Variants in ELMOD3 observed in about 807,000 individuals in gnomAD.
The protein encoded by ELMOD3 is ELMO domain-containing protein 3.
In ELMOD3, 36 loss-of-function variants were observed where a neutral mutation model predicts 47.4. The observed-to-expected ratio is 0.76, with a 90% CI of 0.58 to 1.00. ELMOD3 has a LOEUF of 1.00. Ranked by LOEUF, ELMOD3 falls within the 50% of genes least tolerant of loss-of-function variation. The probability of loss-of-function intolerance (pLI) is 0.00; values close to 1 mark genes in which losing one functional copy is unlikely to be tolerated. For synonymous variants in ELMOD3, 149 were observed against 183.5 expected, an observed-to-expected ratio of 0.81 and a Z score of 1.52; for missense variants, 404 against 463.8, an observed-to-expected ratio of 0.87 and a Z score of 1.18.
intron 11 of ELMOD3, among the ~76,000 whole-genome samples, chr2:85,381,699 G>A (rs535972599): frequency 3.9e-5 from 6 of 152,088 alleles, no homozygotes; most frequent in South Asian, 4.1e-4. Flanking sequence ...CACCTCTTCC[G>A]CAATAGTCCC....
intron 11 of ELMOD3, chr2:85,387,165 GA>G: frequency 7.7e-7 from 1 of 1,292,218 alleles, no homozygotes; most frequent in Non-Finnish European, 1.0e-6. Context: ...GGCAATACCT[GA>G]AGGTACAGAG....
chr2:85,386,896 G>A (rs1437098143), intron 11 of ELMOD3, among the ~76,000 whole-genome samples: 1 of 152,078 alleles, frequency 6.6e-6, no homozygotes, highest in African/African-American at 2.4e-5. Context: ...CCAGCTACTC[G>A]GGAGGCTAAG....
At chr2:85,373,250 C>CA (rs1215698130) in intron 10 of ELMOD3, among the ~76,000 whole-genome samples, 1 of 151,928 alleles carries the variant, frequency 6.6e-6, no homozygotes, top group East Asian at 1.9e-4. Context: ...GACTCTGTCT[C>CA]AAAAAATTTT....
intron 6 of ELMOD3, among the ~76,000 whole-genome samples, chr2:85,364,343 T>G (rs901752149): frequency 6.6e-6 from 1 of 151,840 alleles, no homozygotes; most frequent in Non-Finnish European, 1.5e-5. Context: ...CCCAGCACTT[T>G]GGGAGGCTGA....
Position 85,354,789 on chromosome 2 carries a change from C to A in ELMOD3, c.-412C>A. On this transcript the variant is annotated 5_prime_UTR_variant, in exon 1 of 14. Transcript: ENST00000409013. The stretch of plus-strand genomic sequence containing the variant: ...TGCGCATGAGCAGATGAGGCCTAGC[C>A]GAGGCGGCGGGACCCCCAAGTTTGG... 2 of 328,372 alleles carry A rather than the reference C, an allele frequency of 6.1e-6. No homozygotes were observed. Among genetic ancestry groups the A allele is most frequent in the Non-Finnish European group, 1.1e-5 (2 of 178,342 alleles). The allele number at this position is 328,372 out of a possible 1,614,324, so 20.3% of individuals were successfully genotyped here.
At chr2:85,375,411 G>A (rs574558438) in intron 10 of ELMOD3, among the ~76,000 whole-genome samples, 51 of 152,166 alleles carry the variant, frequency 3.4e-4, no homozygotes, top group Middle Eastern at 6.8e-3. Flanking sequence ...TTCATATTAT[G>A]TTATTCTATT....
intron 6 of ELMOD3, among the ~76,000 whole-genome samples, chr2:85,366,647 G>T (rs1243121577): frequency 1.3e-5 from 2 of 152,248 alleles, no homozygotes; most frequent in Non-Finnish European, 2.9e-5. Context: ...CATACAGCTA[G>T]TAAGAGGCAG....
At chr2:85,390,491 T>C in intron 13 of ELMOD3, 10 of 1,606,256 alleles carry the variant, frequency 6.2e-6, no homozygotes, top group Non-Finnish European at 7.7e-6. Flanking sequence ...GACAAGCATA[T>C]ATTCTGATCA....
intron 4 of ELMOD3, chr2:85,360,841 C>A (rs958826635): frequency 3.8e-6 from 1 of 265,228 alleles, no homozygotes; most frequent in South Asian, 4.8e-5. Flanking sequence ...AATTACTTCT[C>A]CATTCTCCAG....
intron 11 of ELMOD3, among the ~76,000 whole-genome samples, chr2:85,386,897 G>A (rs137984891): frequency 0.076 from 11,555 of 152,156 alleles, 578 homozygotes; most frequent in African/African-American, 0.13. Flanking sequence ...CAGCTACTCG[G>A]GAGGCTAAGG....
intron 11 of ELMOD3, among the ~76,000 whole-genome samples, chr2:85,378,496 C>T (rs575758645): frequency 4.6e-5 from 7 of 152,204 alleles, no homozygotes; most frequent in Non-Finnish European, 7.4e-5. Context: ...TCCAGAAAGG[C>T]GGGACAACTA....
At chr2:85,359,959 G>A (rs532299941) in intron 4 of ELMOD3, among the ~76,000 whole-genome samples, 24 of 152,104 alleles carry the variant, frequency 1.6e-4, no homozygotes, top group Admixed American at 1.4e-3. Context: ...TGTGGTCCCA[G>A]CTGCTTGGAA....
Position 85,363,096 on chromosome 2 carries a change from G to C in ELMOD3, c.130-1G>C. On this transcript the variant is annotated splice_acceptor_variant, in intron 5 of 13. Coordinates refer to ENST00000409013, the MANE Select transcript of ELMOD3 (RefSeq NM_001135022.2). LOFTEE classifies it high-confidence loss of function. The stretch of plus-strand genomic sequence containing the variant: ...AAGCTAAAGGTCAGCTGCCTCTACA[G>C]ATCTCAGAGTTGAAGAACCATGGCA... 1 of 1,604,106 alleles carries C rather than the reference G, an allele frequency of 6.2e-7. No homozygotes were observed. The highest frequency in any genetic ancestry group is 8.5e-7 in the Non-Finnish European group (1 of 1,171,136).
In ELMOD3 at chr2:85,363,160, C is replaced by T; in HGVS notation, c.193C>T (p.Pro65Ser). 1.2e-6 allele frequency: 2 copies of T among 1,605,490 alleles called. No homozygotes were observed. Among genetic ancestry groups the T allele is most frequent in the South Asian group, 2.2e-5 (2 of 90,726 alleles). Residue 65 changes from proline to serine, a missense_variant, in exon 6 of 14, where the codon CCA (proline) becomes TCA (serine). Physicochemically the swap from Pro to Ser is moderately conservative, Grantham distance 74 (BLOSUM62 -1). Coordinates refer to ENST00000409013, the MANE Select transcript of ELMOD3 (RefSeq NM_001135022.2). ...GACCACAGAAGCTTATGAATGGGAG[C>T]CACGTGGTAAGGTTCCCTTCAGGGC... Reference protein sequence around the residue: ...ALTTEAYEWEPRVVSTEVVRA... With the variant: ...ALTTEAYEWESRVVSTEVVRA...
intron 11 of ELMOD3, among the ~76,000 whole-genome samples, chr2:85,388,349 AATC>A (rs1686082200): frequency 6.6e-6 from 1 of 152,164 alleles, no homozygotes; most frequent in Non-Finnish European, 1.5e-5. Context: ...ACCATCTCAA[AATC>A]CAAGTTCTCA....
chr2:85,374,723 G>C (rs1685048136), intron 10 of ELMOD3, among the ~76,000 whole-genome samples: 1 of 152,164 alleles, frequency 6.6e-6, no homozygotes, highest in Non-Finnish European at 1.5e-5. Context: ...GAGGCAGAAG[G>C]ACTGCTTGAG....
intron 8 of ELMOD3, among the ~76,000 whole-genome samples, chr2:85,370,860 T>C (rs948768533): frequency 3.9e-5 from 6 of 152,182 alleles, no homozygotes; most frequent in Non-Finnish European, 8.8e-5. Context: ...ATACCTACGC[T>C]TGGGGATGTC....
intron 10 of ELMOD3, among the ~76,000 whole-genome samples, chr2:85,373,556 C>T (rs1050902754): frequency 1.3e-5 from 2 of 151,800 alleles, no homozygotes; most frequent in African/African-American, 4.8e-5. Context: ...AAAGGAAAAT[C>T]TGGGCCAGGC....
chr2:85,389,325 G>A (rs928356317), intron 11 of ELMOD3, among the ~76,000 whole-genome samples: 6 of 152,220 alleles, frequency 3.9e-5, no homozygotes, highest in Non-Finnish European at 8.8e-5. Context: ...AAGAAGGGGA[G>A]AGGAGACTTT....
Sources: allele counts gnomAD v4.1 joint callset (sites outside exome capture counted in the v4.1 genomes callset), GRCh38; gene constraint gnomAD v4.1.1; transcripts MANE v1.5; gene names NCBI Gene and HGNC (gene_info 2026-07-23, HGNC 2026-07-21).